The following DKK2 variants were observed in gnomAD, a reference collection of about 807,000 sequenced individuals.
DKK2 encodes dickkopf-related protein 2.
A neutral mutation model predicts 28.1 loss-of-function variants in DKK2; 11 were observed. That is an observed-to-expected ratio of 0.39 (90% CI 0.25 to 0.65). DKK2 has a LOEUF of 0.65. DKK2 is among the 30% of genes least tolerant of loss of function. DKK2 has a pLI of 0.47. For missense variants in DKK2, 326 were observed against 335.5 expected (o/e 0.97, Z 0.22); for synonymous variants, 135 against 126.5 (o/e 1.07, Z -0.45).
intron 1 of DKK2, among the ~76,000 whole-genome samples, chr4:106,938,419 G>A (rs1454469682): frequency 6.6e-6 from 1 of 152,122 alleles, no homozygotes; most frequent in African/African-American, 2.4e-5. Flanking sequence ...ACTAAACCAG[G>A]AAGAAGTTGA....
chr4:107,035,008 G>C (rs1295225831), intron 1 of DKK2, among the ~76,000 whole-genome samples: 1 of 152,186 alleles, frequency 6.6e-6, no homozygotes, highest in Non-Finnish European at 1.5e-5. Context: ...TGCCTGGCAC[G>C]TTATTAGGTG....
chr4:106,939,491 C>T (rs985271674), intron 1 of DKK2, among the ~76,000 whole-genome samples: 2 of 152,210 alleles, frequency 1.3e-5, no homozygotes, highest in African/African-American at 2.4e-5. Flanking sequence ...ATTCCATGCT[C>T]ATGGGTAGGA....
intron 1 of DKK2, among the ~76,000 whole-genome samples, chr4:107,021,509 G>A (rs1723690516): frequency 1.3e-5 from 2 of 152,006 alleles, no homozygotes; most frequent in Admixed American, 1.3e-4. Flanking sequence ...GTCTTAGTTT[G>A]ATATATTTCA....
At chr4:107,016,581 C>T (rs540465331) in intron 1 of DKK2, among the ~76,000 whole-genome samples, 29 of 151,904 alleles carry the variant, frequency 1.9e-4, no homozygotes, top group South Asian at 1.0e-3. Flanking sequence ...AACTTTTATT[C>T]TAGTTTTTAA....
chr4:106,965,576 G>A (rs950835315), intron 1 of DKK2, among the ~76,000 whole-genome samples: 2 of 151,794 alleles, frequency 1.3e-5, no homozygotes, highest in Non-Finnish European at 2.9e-5. Flanking sequence ...AAAATCCAGT[G>A]GTACTTATAG....
chr4:107,024,786 T>C (rs1723747876), intron 1 of DKK2, among the ~76,000 whole-genome samples: 1 of 152,168 alleles, frequency 6.6e-6, no homozygotes, highest in Admixed American at 6.5e-5. Flanking sequence ...TTATTTGAGG[T>C]CGTGCATATT....
Position 107,035,546 on chromosome 4 carries a change from G to A in DKK2, c.46C>T (p.Leu16=), listed in dbSNP as rs751553106. The A allele has an allele frequency of 1.2e-6, 2 of 1,614,216 alleles. No homozygotes were observed. The highest frequency in any genetic ancestry group is 1.7e-5 in the Admixed American group (1 of 60,036). ...RSKDSSCCLL[L]LAAVLMVESS... ...TCCACCATCAGCACCGCGGCCAGTA[G>A]GAGCAGGCAGCAGGACGAATCCTTG... The change falls in exon 1 of 4, where the codon CTA becomes TTA. Residue 16 remains leucine, a synonymous_variant. Coordinates refer to ENST00000285311, the MANE Select transcript of DKK2 (RefSeq NM_014421.3).
At chr4:107,029,645 C>T (rs980671430) in intron 1 of DKK2, among the ~76,000 whole-genome samples, 16 of 152,166 alleles carry the variant, frequency 1.1e-4, no homozygotes, top group Admixed American at 2.6e-4. Context: ...AATCTTATTC[C>T]GGATAATAAA....
chr4:106,984,798 A>G (rs573818895), intron 1 of DKK2, among the ~76,000 whole-genome samples: 10 of 152,328 alleles, frequency 6.6e-5, no homozygotes, highest in African/African-American at 2.4e-4. Flanking sequence ...ATGGTTAAGC[A>G]GTCTGGAATA....
Position 107,035,766 on chromosome 4 carries a change from A to G in DKK2, c.-175T>C. ...CCCTATGAACTCAGTCTCACGCCTC[A>G]GGACAGAAATTAGCGGAACCCAAGC... On this transcript the variant is annotated 5_prime_UTR_variant, in exon 1 of 4. Coordinates refer to ENST00000285311, the MANE Select transcript of DKK2 (RefSeq NM_014421.3). 1 of 633,616 alleles carries G rather than the reference A, an allele frequency of 1.6e-6. No homozygotes were observed. Among genetic ancestry groups the G allele is most frequent in the Non-Finnish European group, 2.7e-6 (1 of 367,170 alleles). 39.2% of individuals were successfully genotyped at this position (633,616 alleles called of 1,614,324 possible). A position where few individuals can be genotyped will look rare whatever the true frequency, so the allele number is the denominator to read the frequency against.
intron 1 of DKK2, among the ~76,000 whole-genome samples, chr4:106,943,180 T>C (rs982561722): frequency 1.5e-4 from 23 of 152,160 alleles, no homozygotes; most frequent in African/African-American, 5.5e-4. Context: ...ATAAGCTTGA[T>C]GTTCCATTTA....
chr4:106,957,042 A>C lies in DKK2; in HGVS notation c.223-31093T>G, dbSNP rs1478381531. 3.3e-5 allele frequency among the ~76,000 whole-genome samples: 5 copies of C among 151,908 alleles called. No homozygotes were observed. In the South Asian group the frequency reaches 8.3e-4, roughly 25 times the overall value. On this transcript the variant is annotated intron_variant, in intron 1 of 3. Transcript: ENST00000285311. ...AATATCCAGAATCTACAATGAACTCAAACAAATTTACAAGAAAAAAACAAA... is the reference window on the plus strand; with the variant it reads ...AATATCCAGAATCTACAATGAACTCCAACAAATTTACAAGAAAAAAACAAA...
chr4:107,014,104 A>T (rs1159678352), intron 1 of DKK2, among the ~76,000 whole-genome samples: 2 of 151,478 alleles, frequency 1.3e-5, no homozygotes, highest in Non-Finnish European at 3.0e-5. Context: ...TAGCAATAGA[A>T]CTATGACATG....
Position 106,999,560 on chromosome 4 carries a change from T to C in DKK2, c.222+35810A>G, listed in dbSNP as rs114682487. Among the ~76,000 whole-genome samples, 1,005 of 152,202 alleles carry C rather than the reference T, an allele frequency of 6.6e-3. 9 individuals are homozygous for C. Among genetic ancestry groups the C allele is most frequent in the African/African-American group, 0.023 (961 of 41,546 alleles). ...CAGGGTTTCACCACGTTAGCCAGGA[T>C]GATCTCAATCTCTTGACTGCATGAT... is the stretch of plus-strand genomic sequence containing the variant. On this transcript the variant is annotated intron_variant, in intron 1 of 3. Coordinates refer to ENST00000285311, the MANE Select transcript of DKK2 (RefSeq NM_014421.3).
At chr4:106,939,611 T>C (rs1367827624) in intron 1 of DKK2, among the ~76,000 whole-genome samples, 1 of 152,128 alleles carries the variant, frequency 6.6e-6, no homozygotes, top group African/African-American at 2.4e-5. Flanking sequence ...AAAACTACTT[T>C]CAAGTTCGTA....
chr4:107,003,533 C>T (rs1046248627), intron 1 of DKK2, among the ~76,000 whole-genome samples: 5 of 152,228 alleles, frequency 3.3e-5, no homozygotes, highest in Admixed American at 6.5e-5. Flanking sequence ...GCACAGAGCG[C>T]TAACCAAAGA....
chr4:106,967,573 C>T (rs1021514385), intron 1 of DKK2, among the ~76,000 whole-genome samples: 6 of 152,090 alleles, frequency 3.9e-5, no homozygotes, highest in African/African-American at 1.4e-4. Flanking sequence ...CTGGAAGAAA[C>T]AGGAAGCTAC....
chr4:106,946,609 A>T (rs1039997006), intron 1 of DKK2, among the ~76,000 whole-genome samples: 2 of 151,930 alleles, frequency 1.3e-5, no homozygotes, highest in East Asian at 3.9e-4. Context: ...ACATAATCTC[A>T]AATCTCTTGG....
intron 1 of DKK2, among the ~76,000 whole-genome samples, chr4:107,031,212 C>T (rs2110378209): frequency 6.6e-6 from 1 of 151,662 alleles, no homozygotes; most frequent in East Asian, 1.9e-4. Context: ...ATTTGCTTTC[C>T]TGATTGTGTT....
Sources: allele counts gnomAD v4.1 joint callset (sites outside exome capture counted in the v4.1 genomes callset), GRCh38; gene constraint gnomAD v4.1.1; transcripts MANE v1.5; gene names NCBI Gene and HGNC (gene_info 2026-07-23, HGNC 2026-07-21).